CMTM8: variants seen among roughly 807,000 people sequenced by gnomAD.
CMTM8 encodes the protein CKLF-like MARVEL transmembrane domain-containing protein 8.
A neutral mutation model predicts 18.6 loss-of-function variants in CMTM8; 12 were observed. The ratio of observed to expected loss-of-function variants is 0.65; its 90% confidence interval spans 0.41 to 1.05. The LOEUF (loss-of-function observed/expected upper bound fraction) is 1.05, where lower values mean the gene tolerates loss of function less well. Among genes scored for constraint, CMTM8 ranks in the 50% least tolerant of loss-of-function variants. The pLI is 0.00. For missense variants in CMTM8, 217 were observed against 227.2 expected, an observed-to-expected ratio of 0.95 and a Z score of 0.29; for synonymous variants, 87 against 90.6, an observed-to-expected ratio of 0.96 and a Z score of 0.23.
intron 1 of CMTM8, among the ~76,000 whole-genome samples, chr3:32,256,978 G>T (rs1029838926): frequency 1.3e-5 from 2 of 152,080 alleles, no homozygotes; most frequent in African/African-American, 4.8e-5. Context: ...AGAAGCTTTT[G>T]AAATTGTTTC....
chr3:32,252,861 T>C (rs1702131659), intron 1 of CMTM8, among the ~76,000 whole-genome samples: 1 of 152,234 alleles, frequency 6.6e-6, no homozygotes, highest in African/African-American at 2.4e-5. Flanking sequence ...ATAACTTTAA[T>C]TGGATATTTC....
intron 1 of CMTM8, among the ~76,000 whole-genome samples, chr3:32,288,266 T>G (rs532927098): frequency 1.3e-5 from 2 of 152,128 alleles, no homozygotes; most frequent in Admixed American, 1.3e-4. Context: ...TGAGAGTAAG[T>G]AGAAGAAAAT....
chr3:32,359,192 C>T (rs995907032), intron 2 of CMTM8, among the ~76,000 whole-genome samples: 1 of 152,190 alleles, frequency 6.6e-6, no homozygotes, highest in African/African-American at 2.4e-5. Context: ...GTACTGTAGT[C>T]GTCTTGGGCC....
At chr3:32,323,031 A>G (rs1696088037) in intron 1 of CMTM8, among the ~76,000 whole-genome samples, 1 of 151,986 alleles carries the variant, frequency 6.6e-6, no homozygotes, top group Non-Finnish European at 1.5e-5. Context: ...GGCCTTTCCT[A>G]CAAGCAAGGA....
chr3:32,267,255 A>G (rs532125446), intron 1 of CMTM8, among the ~76,000 whole-genome samples: 1 of 152,334 alleles, frequency 6.6e-6, no homozygotes, highest in South Asian at 2.1e-4. Context: ...AAACAGAGAT[A>G]TAGACCAATG....
At chr3:32,360,900 ATG>A (rs1469497924) in intron 2 of CMTM8, among the ~76,000 whole-genome samples, 1 of 152,236 alleles carries the variant, frequency 6.6e-6, no homozygotes, top group African/African-American at 2.4e-5. Context: ...GGCATCTAAA[ATG>A]TGGGAAACAC....
chr3:32,316,666 ATT>A (rs59411418), intron 1 of CMTM8, among the ~76,000 whole-genome samples: 33 of 151,774 alleles, frequency 2.2e-4, no homozygotes, highest in African/African-American at 6.8e-4. Flanking sequence ...TTGTTTGGGG[ATT>A]TTTTTTTCCC....
At chr3:32,295,389 G>A (rs1409407382) in intron 1 of CMTM8, among the ~76,000 whole-genome samples, 1 of 143,452 alleles carries the variant, frequency 7.0e-6, no homozygotes, top group Non-Finnish European at 1.5e-5. Flanking sequence ...CCAGGAGGCG[G>A]AGGTTGCAGT....
At chr3:32,259,798 C>A in intron 1 of CMTM8, 1 of 837,050 alleles carries the variant, frequency 1.2e-6, no homozygotes, top group South Asian at 1.3e-5. Context: ...CACAGTCCGC[C>A]GAGGTTGGAG....
chr3:32,353,556 G>T (rs1002976754), intron 1 of CMTM8, among the ~76,000 whole-genome samples: 8 of 152,140 alleles, frequency 5.3e-5, no homozygotes, highest in Admixed American at 5.2e-4. Context: ...AGTGTGGAAG[G>T]TTGTCCTCCA....
intron 1 of CMTM8, among the ~76,000 whole-genome samples, chr3:32,319,063 TA>T: frequency 2.3e-5 from 1 of 44,346 alleles, no homozygotes; most frequent in African/African-American, 8.0e-5. Context: ...TATACATATA[TA>T]TATATATATA....
At position 32,284,444 on chromosome 3, in the gene CMTM8, G is replaced by A. The variant is rs567167276; in HGVS notation, c.147+45325G>A. 2.0e-5 allele frequency among the ~76,000 whole-genome samples: 3 copies of A among 152,282 alleles called. No homozygotes were observed. In the East Asian group the frequency reaches 5.8e-4, roughly 29 times the overall value. On this transcript the variant is annotated intron_variant, in intron 1 of 3. Transcript: ENST00000307526. ...GCCCAGTGCCCAGGGAAGCGGAGTG[G>A]GGCTGCCTCACCTTGTCCTCACCTT...
chr3:32,365,020 C>G (rs957979820), intron 2 of CMTM8, among the ~76,000 whole-genome samples: 2 of 152,128 alleles, frequency 1.3e-5, no homozygotes, highest in Admixed American at 6.6e-5. Flanking sequence ...GGGACACCTC[C>G]TGGGCCATGT....
intron 1 of CMTM8, among the ~76,000 whole-genome samples, chr3:32,290,393 A>G (rs28606069): frequency 0.31 from 47,474 of 152,162 alleles, 7,648 homozygotes; most frequent in Admixed American, 0.36. Flanking sequence ...GGGAAGCATC[A>G]GTATTGTAAG....
chr3:32,360,647 G>C (rs17029291), intron 2 of CMTM8, among the ~76,000 whole-genome samples: 2,483 of 152,346 alleles, frequency 0.016, 63 homozygotes, highest in East Asian at 0.092. Context: ...CACAAATCAG[G>C]AGCATAGCAA....
chr3:32,249,029 T>TG (rs1702079655), intron 1 of CMTM8, among the ~76,000 whole-genome samples: 1 of 110,564 alleles, frequency 9.0e-6, no homozygotes, highest in East Asian at 2.7e-4. Flanking sequence ...TAATGTGGAA[T>TG]CTTTTTTTTT....
At chr3:32,359,041 G>T (rs941153078) in intron 2 of CMTM8, among the ~76,000 whole-genome samples, 1 of 152,224 alleles carries the variant, frequency 6.6e-6, no homozygotes, top group Non-Finnish European at 1.5e-5. Context: ...GAGGAACTTG[G>T]ACAGTGTAGT....
chr3:32,245,341 T>C (rs9852265), intron 1 of CMTM8, among the ~76,000 whole-genome samples: 84,136 of 152,072 alleles, frequency 0.55, 23,281 homozygotes, highest in Middle Eastern at 0.67. Flanking sequence ...CTTGCTCTGG[T>C]TTTGGGGGTG....
chr3:32,346,630 A>G (rs1696600970), intron 1 of CMTM8, among the ~76,000 whole-genome samples: 3 of 151,860 alleles, frequency 2.0e-5, no homozygotes, highest in Non-Finnish European at 2.9e-5. Flanking sequence ...GTCCCTTTTT[A>G]TAAGGGTACT....
Sources: allele counts gnomAD v4.1 joint callset (sites outside exome capture counted in the v4.1 genomes callset), GRCh38; gene constraint gnomAD v4.1.1; transcripts MANE v1.5; gene names NCBI Gene and HGNC (gene_info 2026-07-23, HGNC 2026-07-21).